Variants in ERBB4 observed in about 807,000 individuals in gnomAD.
The protein encoded by ERBB4 is erb-b2 receptor tyrosine kinase 4, also known as receptor tyrosine-protein kinase erbB-4.
In ERBB4, 42 loss-of-function variants were observed where a neutral mutation model predicts 158.0. That is an observed-to-expected ratio of 0.27 (90% CI 0.21 to 0.34). The LOEUF is 0.34. ERBB4 is among the 10% of genes least tolerant of loss of function. The probability of loss-of-function intolerance (pLI) is 1.00; values close to 1 mark genes in which losing one functional copy is unlikely to be tolerated. For synonymous variants in ERBB4, 583 were observed against 558.7 expected (o/e 1.04, Z -0.61); for missense variants, 1,333 against 1,624.1 (o/e 0.82, Z 3.08).
At chr2:212,500,551 G>C (rs997576453) in intron 1 of ERBB4, among the ~76,000 whole-genome samples, 2 of 151,522 alleles carry the variant, frequency 1.3e-5, no homozygotes, top group African/African-American at 4.9e-5. Context: ...TTTCTTTCTA[G>C]GGAACAATAA....
chr2:211,500,216 C>T (rs1192368944), intron 20 of ERBB4, among the ~76,000 whole-genome samples: 3 of 152,010 alleles, frequency 2.0e-5, no homozygotes, highest in African/African-American at 7.2e-5. Context: ...TAATTTATAG[C>T]CATTTAAAAG....
At chr2:211,672,345 G>T (rs1283581765) in intron 14 of ERBB4, among the ~76,000 whole-genome samples, 6 of 152,000 alleles carry the variant, frequency 3.9e-5, no homozygotes, top group African/African-American at 1.4e-4. Flanking sequence ...GGATGAAAAT[G>T]ATACTTAGGA....
chr2:211,446,386 A>G (rs574871821), intron 20 of ERBB4, among the ~76,000 whole-genome samples: 35 of 152,360 alleles, frequency 2.3e-4, no homozygotes, highest in East Asian at 1.9e-4. Context: ...CTAGCAGGTA[A>G]GTGAGACAGG....
At chr2:211,396,911 A>G (rs908311194) in intron 25 of ERBB4, among the ~76,000 whole-genome samples, 1 of 152,190 alleles carries the variant, frequency 6.6e-6, no homozygotes, top group Non-Finnish European at 1.5e-5. Context: ...CCGTAAGTAA[A>G]AAGATTTCTA....
Position 211,382,023 on chromosome 2 carries a change from T to C in ERBB4, c.*1592A>G, listed in dbSNP as rs2062581300. 4.4e-6 allele frequency: 1 copy of C among 229,242 alleles called. No homozygotes were observed. Among genetic ancestry groups the C allele is most frequent in the Non-Finnish European group, 8.6e-6 (1 of 115,652 alleles). 14.2% of individuals were successfully genotyped at this position (229,242 alleles called of 1,614,324 possible). ...ATGATGGTTCTAGTACTGGATGCAG[T>C]ATATGAAGAAAGGGAATTATATAAA... On this transcript the variant is annotated 3_prime_UTR_variant, in exon 28 of 28. Transcript: ENST00000342788.
At chr2:212,166,640 C>A (rs900795298) in intron 1 of ERBB4, among the ~76,000 whole-genome samples, 4 of 151,094 alleles carry the variant, frequency 2.6e-5, no homozygotes, top group Admixed American at 1.3e-4. Context: ...GCCAAGACAA[C>A]CCTAAGCAAA....
intron 1 of ERBB4, among the ~76,000 whole-genome samples, chr2:212,156,753 A>G (rs1471413301): frequency 6.6e-6 from 1 of 152,084 alleles, no homozygotes; most frequent in Non-Finnish European, 1.5e-5. Flanking sequence ...AGCTTAGTGT[A>G]TGAACCTCCA....
chr2:211,399,777 C>A (rs1033928024), intron 25 of ERBB4, among the ~76,000 whole-genome samples: 6 of 152,072 alleles, frequency 3.9e-5, no homozygotes, highest in Non-Finnish European at 8.8e-5. Context: ...TTTCCTATTG[C>A]TTTGGAGACC....
intron 21 of ERBB4, 135 bp downstream of exon 21, chr2:211,430,810 A>G (rs940164673): frequency 2.6e-5 from 19 of 745,018 alleles, no homozygotes; most frequent in Non-Finnish European, 4.0e-5. Context: ...GGGGCAGGAG[A>G]AGAGGCAAAT....
At chr2:211,930,113 AAAAT>A (rs2080133241) in intron 3 of ERBB4, among the ~76,000 whole-genome samples, 1 of 152,170 alleles carries the variant, frequency 6.6e-6, no homozygotes, top group Admixed American at 6.6e-5. Context: ...TATGCTTTAA[AAAAT>A]AAAATAAAAT....
At chr2:212,232,217 A>T (rs1159822646) in intron 1 of ERBB4, among the ~76,000 whole-genome samples, 4 of 152,154 alleles carry the variant, frequency 2.6e-5, no homozygotes, top group Non-Finnish European at 5.9e-5. Flanking sequence ...TTATAAAGAA[A>T]CATTATGAAG....
chr2:212,029,359 A>G (rs2076847963), intron 2 of ERBB4, among the ~76,000 whole-genome samples: 2 of 152,064 alleles, frequency 1.3e-5, no homozygotes, highest in South Asian at 4.1e-4. Flanking sequence ...TTCGTGGGCT[A>G]AGCTCCACTT....
chr2:212,381,219 A>G (rs1342983682), intron 1 of ERBB4, among the ~76,000 whole-genome samples: 1 of 151,360 alleles, frequency 6.6e-6, no homozygotes, highest in Non-Finnish European at 1.5e-5. Flanking sequence ...CCAAAATCTT[A>G]CAAAAATTAG....
At chr2:211,690,069 A>G (rs1434659423) in intron 12 of ERBB4, among the ~76,000 whole-genome samples, 1 of 148,382 alleles carries the variant, frequency 6.7e-6, no homozygotes, top group East Asian at 2.0e-4. Context: ...TGTAATATAT[A>G]TTATGTATAA....
chr2:211,810,661 T>C (rs1483822530), intron 3 of ERBB4, among the ~76,000 whole-genome samples: 3 of 87,168 alleles, frequency 3.4e-5, no homozygotes, highest in East Asian at 7.8e-4. Context: ...CCAGTCTCTG[T>C]CTTTTTTTTT....
intron 3 of ERBB4, among the ~76,000 whole-genome samples, chr2:211,819,161 A>T (rs1187606662): frequency 6.6e-6 from 1 of 152,002 alleles, no homozygotes; most frequent in Non-Finnish European, 1.5e-5. Context: ...AGATAAAATC[A>T]TTTTTTGCAT....
chr2:212,536,376 T>C (rs1428973666), intron 1 of ERBB4, among the ~76,000 whole-genome samples: 2 of 152,302 alleles, frequency 1.3e-5, no homozygotes, highest in Admixed American at 6.5e-5. Flanking sequence ...ATCACCTTAG[T>C]ATGCGTGTTG....
At chr2:212,537,132 AGGC>A (rs71397171) in intron 1 of ERBB4, among the ~76,000 whole-genome samples, 41 of 99,506 alleles carry the variant, frequency 4.1e-4, no homozygotes, top group South Asian at 2.7e-4. Flanking sequence ...TAGGCAAAGG[AGGC>A]GGCGGCGGCG....
intron 3 of ERBB4, among the ~76,000 whole-genome samples, chr2:211,842,705 G>A (rs1028211358): frequency 2.6e-5 from 4 of 151,950 alleles, no homozygotes; most frequent in Non-Finnish European, 4.4e-5. Context: ...CAAACACTGA[G>A]TTTATTTATA....
Sources: allele counts gnomAD v4.1 joint callset (sites outside exome capture counted in the v4.1 genomes callset), GRCh38; gene constraint gnomAD v4.1.1; transcripts MANE v1.5; gene names NCBI Gene and HGNC (gene_info 2026-07-23, HGNC 2026-07-21).